Variants in SPATA17 observed in about 807,000 individuals in gnomAD.
The protein encoded by SPATA17 is spermatogenesis-associated protein 17.
Under a neutral mutation model 62.2 loss-of-function variants are expected in SPATA17, and 53 were observed. That is an observed-to-expected ratio of 0.85 (90% confidence interval 0.68 to 1.07). The LOEUF (loss-of-function observed/expected upper bound fraction) is 1.07. Ranked by LOEUF, SPATA17 falls within the 50% of genes least tolerant of loss-of-function variation. The pLI is 0.00. For missense variants in SPATA17, 466 were observed against 425.5 expected (o/e 1.10, Z -0.84); for synonymous variants, 146 against 146.8 (o/e 0.99, Z 0.04).
At chr1:217,679,569 G>A (rs2102903617) in intron 4 of SPATA17, among the ~76,000 whole-genome samples, 1 of 152,288 alleles carries the variant, frequency 6.6e-6, no homozygotes, top group East Asian at 1.9e-4. Flanking sequence ...ATACTTTAGT[G>A]TGGATGAGTT....
At chr1:217,851,285 T>C (rs865830940) in intron 9 of SPATA17, among the ~76,000 whole-genome samples, 2 of 152,100 alleles carry the variant, frequency 1.3e-5, no homozygotes, top group South Asian at 2.1e-4. Context: ...AAAAGTTTCC[T>C]GTGAGAATTC....
intron 5 of SPATA17, among the ~76,000 whole-genome samples, chr1:217,737,364 T>G (rs1484543497): frequency 6.6e-6 from 1 of 152,122 alleles, no homozygotes; most frequent in Non-Finnish European, 1.5e-5. Context: ...CAATGATGGT[T>G]AGAAAAGGGG....
intron 5 of SPATA17, among the ~76,000 whole-genome samples, chr1:217,689,066 C>T (rs975415771): frequency 6.6e-6 from 1 of 152,024 alleles, no homozygotes; most frequent in African/African-American, 2.4e-5. Flanking sequence ...TGATTTAATA[C>T]TTATTTAACA....
intron 8 of SPATA17, among the ~76,000 whole-genome samples, chr1:217,783,062 CATT>C (rs1673769506): frequency 2.0e-5 from 3 of 150,638 alleles, no homozygotes; most frequent in Admixed American, 2.0e-4. Context: ...GACATTATTA[CATT>C]ATAATACTAA....
At chr1:217,766,428 C>T in intron 6 of SPATA17, among the ~76,000 whole-genome samples, 1 of 151,896 alleles carries the variant, frequency 6.6e-6, no homozygotes, top group Middle Eastern at 3.2e-3. Context: ...TTTCAAGTAA[C>T]ACTATACCAC....
chr1:217,654,142 C>CT lies in SPATA17; in HGVS notation c.240+2976dup, dbSNP rs564073895. ...TTATTTATTTATTTATTCTTATTTA[C>CT]TTTTTTTTTTTTGGAGACAAAGTCT... On this transcript the variant is annotated intron_variant, in intron 3 of 10. Transcript: ENST00000366933. Among the ~76,000 whole-genome samples the CT allele has an allele frequency of 1.8e-3, 260 of 142,828 alleles. 2 individuals carry two copies. Among genetic ancestry groups the CT allele is most frequent in the Middle Eastern group, 0.014 (4 of 280 alleles). 93.7% of individuals were successfully genotyped at this position (142,828 alleles called of 152,430 possible).
chr1:217,750,727 A>T (rs1385238121), intron 6 of SPATA17, among the ~76,000 whole-genome samples: 1 of 152,228 alleles, frequency 6.6e-6, no homozygotes, highest in Non-Finnish European at 1.5e-5. Context: ...TTCATGCAGA[A>T]AAATTTAACA....
chr1:217,852,436 A>T (rs1675688134), intron 9 of SPATA17, among the ~76,000 whole-genome samples: 1 of 152,164 alleles, frequency 6.6e-6, no homozygotes, highest in Non-Finnish European at 1.5e-5. Context: ...ATTATTATAT[A>T]CTTCTTCTTT....
chr1:217,748,410 T>C (rs1422088674), intron 6 of SPATA17, among the ~76,000 whole-genome samples: 1 of 151,918 alleles, frequency 6.6e-6, no homozygotes, highest in Admixed American at 6.6e-5. Context: ...TTATTTTAAT[T>C]TCCAGGATAC....
Position 217,787,156 on chromosome 1 carries a change from T to C in SPATA17, c.872+4834T>C, listed in dbSNP as rs370811272. On this transcript the variant is annotated intron_variant, in intron 8 of 10. Transcript: ENST00000366933. ...CAAATTCAGCCTCTCTTCCCCTTTA[T>C]ACTATCACTGTCTTAATTTAGGCAC... 4.6e-5 allele frequency among the ~76,000 whole-genome samples: 7 copies of C among 152,220 alleles called. No individual in the cohort carries two copies. In the East Asian group the frequency reaches 9.7e-4, roughly 21 times the overall value.
At chr1:217,756,880 C>T (rs111978669) in intron 6 of SPATA17, among the ~76,000 whole-genome samples, 3,782 of 152,286 alleles carry the variant, frequency 0.025, 78 homozygotes, top group Non-Finnish European at 0.037. Context: ...TGTTCAACAT[C>T]CTGTTACACA....
chr1:217,849,737 G>GA (rs1188226524), intron 9 of SPATA17, among the ~76,000 whole-genome samples: 1 of 152,076 alleles, frequency 6.6e-6, no homozygotes. Context: ...TCCTGAACCT[G>GA]AGGGGAGGAG....
intron 6 of SPATA17, among the ~76,000 whole-genome samples, chr1:217,769,839 G>T (rs1005555140): frequency 2.0e-5 from 3 of 152,176 alleles, no homozygotes; most frequent in African/African-American, 7.2e-5. Flanking sequence ...CTGTAGCTGA[G>T]AAATGACCAT....
At chr1:217,686,004 T>C (rs1671207915) in intron 5 of SPATA17, among the ~76,000 whole-genome samples, 1 of 152,190 alleles carries the variant, frequency 6.6e-6, no homozygotes, top group Non-Finnish European at 1.5e-5. Context: ...ATCATAGGTA[T>C]GTATGTATGG....
At chr1:217,639,135 C>T (rs985799809) in intron 1 of SPATA17, among the ~76,000 whole-genome samples, 6 of 152,054 alleles carry the variant, frequency 3.9e-5, no homozygotes, top group African/African-American at 1.4e-4. Flanking sequence ...TTTCCTTTAA[C>T]ACCTACTTCT....
chr1:217,781,110 C>T (rs1673717622), intron 7 of SPATA17: 2 of 152,048 alleles, frequency 1.3e-5, no homozygotes, highest in South Asian at 4.1e-4. Flanking sequence ...TACTTATTTG[C>T]CATTTGTGTT....
intron 9 of SPATA17, among the ~76,000 whole-genome samples, chr1:217,812,302 A>G (rs2102992563): frequency 6.6e-6 from 1 of 152,264 alleles, no homozygotes; most frequent in Admixed American, 6.5e-5. Context: ...AATGTATCAA[A>G]TATTATTTAA....
chr1:217,812,220 A>G (rs1264601031), intron 9 of SPATA17, among the ~76,000 whole-genome samples: 1 of 152,204 alleles, frequency 6.6e-6, no homozygotes, highest in African/African-American at 2.4e-5. Context: ...TTGTGTTAAA[A>G]GGTGTCAGTT....
chr1:217,698,579 T>TA (rs5780991), intron 5 of SPATA17, among the ~76,000 whole-genome samples: 193 of 145,012 alleles, frequency 1.3e-3, no homozygotes, highest in Admixed American at 2.1e-3. Flanking sequence ...CATGCAGTTA[T>TA]AAAAAAAAAA....
Sources: allele counts gnomAD v4.1 joint callset (sites outside exome capture counted in the v4.1 genomes callset), GRCh38; gene constraint gnomAD v4.1.1; transcripts MANE v1.5; gene names NCBI Gene and HGNC (gene_info 2026-07-23, HGNC 2026-07-21).